GLIS3: variants seen among roughly 807,000 people sequenced by gnomAD.
GLIS3 encodes zinc finger protein GLIS3.
In GLIS3, 53 loss-of-function variants were observed where a neutral mutation model predicts 78.6. The ratio of observed to expected loss-of-function variants is 0.67; its 90% CI spans 0.54 to 0.85. GLIS3 has a LOEUF of 0.85. GLIS3 is among the 40% of genes least tolerant of loss of function. GLIS3 has a pLI of 0.00. For synonymous variants in GLIS3, 684 were observed against 509.9 expected (o/e 1.34, Z -4.60); for missense variants, 1,703 against 1,231.1 (o/e 1.38, Z -5.74).
At chr9:3,908,444 T>A (rs544478338) in intron 6 of GLIS3, among the ~76,000 whole-genome samples, 1 of 152,324 alleles carries the variant, frequency 6.6e-6, no homozygotes, top group Non-Finnish European at 1.5e-5. Flanking sequence ...GTGTTAGTGA[T>A]TCTGATCTTC....
At chr9:4,158,951 G>A (rs1448463852) in intron 2 of GLIS3, among the ~76,000 whole-genome samples, 1 of 151,560 alleles carries the variant, frequency 6.6e-6, no homozygotes, top group African/African-American at 2.4e-5. Context: ...CAATACGGGG[G>A]CGGAGTCCCG....
chr9:4,002,296 C>T (rs550391840), intron 4 of GLIS3, among the ~76,000 whole-genome samples: 1 of 152,134 alleles, frequency 6.6e-6, no homozygotes, highest in Admixed American at 6.5e-5. Context: ...CAGAAGGAAC[C>T]TTCTGACTTT....
chr9:4,473,504 G>A, the GLIS3 span, among the ~76,000 whole-genome samples: 548 of 149,934 alleles, frequency 3.7e-3, 4 homozygotes, highest in African/African-American at 0.013. Flanking sequence ...CATAGATGGA[G>A]CTGGAGGCCA....
the GLIS3 span, among the ~76,000 whole-genome samples, chr9:4,471,744 A>G: frequency 6.6e-6 from 1 of 152,328 alleles, no homozygotes; most frequent in African/African-American, 2.4e-5. Flanking sequence ...ACAAAAGCCA[A>G]AATTGACAAA....
intron 2 of GLIS3, among the ~76,000 whole-genome samples, chr9:4,332,668 A>C (rs913237876): frequency 2.6e-5 from 4 of 152,202 alleles, no homozygotes; most frequent in Admixed American, 2.6e-4. Flanking sequence ...CCTCTGGACT[A>C]TTAGATGACA....
chr9:4,332,317 C>T (rs182422884), intron 2 of GLIS3, among the ~76,000 whole-genome samples: 1 of 152,206 alleles, frequency 6.6e-6, no homozygotes, highest in East Asian at 1.9e-4. Context: ...GGACTGTTAA[C>T]TGGCCCTCAT....
At chr9:3,941,051 C>T (rs1815864833) in intron 4 of GLIS3, among the ~76,000 whole-genome samples, 2 of 152,154 alleles carry the variant, frequency 1.3e-5, no homozygotes. Context: ...GAGGCCCAGC[C>T]ATCTGACTGC....
chr9:4,271,089 G>C (rs1826469397), intron 2 of GLIS3, among the ~76,000 whole-genome samples: 1 of 151,952 alleles, frequency 6.6e-6, no homozygotes. Flanking sequence ...TGAGAATGAA[G>C]AATTTTATGA....
intron 4 of GLIS3, among the ~76,000 whole-genome samples, chr9:4,060,365 G>A (rs1826542394): frequency 6.6e-6 from 1 of 152,062 alleles, no homozygotes; most frequent in Non-Finnish European, 1.5e-5. Flanking sequence ...CACCTTCAGT[G>A]GTCATCCCTT....
chr9:4,305,103 A>T (rs1013889207), intron 4 of GLIS3: 15 of 152,210 alleles, frequency 9.9e-5, no homozygotes, highest in African/African-American at 3.4e-4. Context: ...TTTACAGATG[A>T]GAAAAGAGAG....
chr9:4,283,266 TTTG>T (rs1344195438), intron 2 of GLIS3, among the ~76,000 whole-genome samples: 4 of 90,168 alleles, frequency 4.4e-5, no homozygotes, highest in African/African-American at 2.0e-4. Flanking sequence ...TTTTTGTTTT[TTTG>T]TTTTTTTTTT....
intron 2 of GLIS3, among the ~76,000 whole-genome samples, chr9:4,207,290 T>C (rs1328056305): frequency 6.6e-6 from 1 of 152,150 alleles, no homozygotes; most frequent in African/African-American, 2.4e-5. Context: ...AACTTAAGGA[T>C]GCACACAAAA....
the GLIS3 span, among the ~76,000 whole-genome samples, chr9:4,392,554 C>T: frequency 6.6e-6 from 1 of 152,080 alleles, no homozygotes; most frequent in Non-Finnish European, 1.5e-5. Context: ...TCACTATGGC[C>T]CCAAACCTTA....
At chr9:4,120,206 T>G (rs1832070614) in intron 3 of GLIS3, among the ~76,000 whole-genome samples, 1 of 152,228 alleles carries the variant, frequency 6.6e-6, no homozygotes, top group Non-Finnish European at 1.5e-5. Flanking sequence ...TTACTCTGTT[T>G]CACAAAATGG....
intron 8 of GLIS3, among the ~76,000 whole-genome samples, chr9:3,862,616 A>G (rs967869619): frequency 1.3e-5 from 2 of 152,226 alleles, no homozygotes; most frequent in Admixed American, 6.5e-5. Flanking sequence ...TGTACGCACA[A>G]GCAGTTCCAG....
chr9:4,357,776 G>A, the GLIS3 span, among the ~76,000 whole-genome samples: 1 of 152,128 alleles, frequency 6.6e-6, no homozygotes, highest in Non-Finnish European at 1.5e-5. Context: ...CCTGGACATG[G>A]TCAAAGAACT....
At chr9:4,448,307 C>G in the GLIS3 span, among the ~76,000 whole-genome samples, 1 of 152,150 alleles carries the variant, frequency 6.6e-6, no homozygotes, top group Non-Finnish European at 1.5e-5. Context: ...AATCTATTCC[C>G]AACAAAGCCA....
chr9:3,893,507 C>T (rs983370462), intron 7 of GLIS3, among the ~76,000 whole-genome samples: 7 of 152,110 alleles, frequency 4.6e-5, no homozygotes, highest in South Asian at 2.1e-4. Context: ...GTCATTATAA[C>T]GCTGCTGTGG....
At chr9:3,941,689 G>C (rs561055266) in intron 4 of GLIS3, among the ~76,000 whole-genome samples, 39 of 152,310 alleles carry the variant, frequency 2.6e-4, no homozygotes, top group African/African-American at 9.1e-4. Flanking sequence ...GTAAGTGATA[G>C]AACTTACACT....
Sources: allele counts gnomAD v4.1 joint callset (sites outside exome capture counted in the v4.1 genomes callset), GRCh38; gene constraint gnomAD v4.1.1; transcripts MANE v1.5; gene names NCBI Gene and HGNC (gene_info 2026-07-23, HGNC 2026-07-21).